The following AGAP2 variants were observed in gnomAD, a reference collection of about 807,000 sequenced individuals.
The protein encoded by AGAP2 is arf-GAP with GTPase, ANK repeat and PH domain-containing protein 2.
In AGAP2, 32 loss-of-function variants were observed where a neutral mutation model predicts 110.9. The observed-to-expected ratio is 0.29, with a 90% confidence interval of 0.22 to 0.39. The LOEUF is 0.39. AGAP2 is among the 10% of genes least tolerant of loss of function. The pLI is 1.00. For synonymous variants in AGAP2, 702 were observed against 713.0 expected (o/e 0.98, Z 0.25); for missense variants, 1,285 against 1,638.5 (o/e 0.78, Z 3.72).
intron 1 of AGAP2, among the ~76,000 whole-genome samples, chr12:57,736,372 G>C (rs1280830077): frequency 6.6e-6 from 1 of 152,168 alleles, no homozygotes; most frequent in African/African-American, 2.4e-5. Flanking sequence ...CAAGTCTCCC[G>C]GGGTACGGAT....
At chr12:57,730,289 G>A in intron 12 of AGAP2, 1 of 738,382 alleles carries the variant, frequency 1.4e-6, no homozygotes, top group Non-Finnish European at 2.1e-6. Flanking sequence ...TGGCAAGCCA[G>A]GATTCAAGCT....
chr12:57,732,218 A>C (rs903585741), intron 7 of AGAP2, among the ~76,000 whole-genome samples, 185 bp downstream of exon 7: 1 of 152,208 alleles, frequency 6.6e-6, no homozygotes, highest in African/African-American at 2.4e-5. Context: ...GCTTAAGGAC[A>C]CTGCAAATGA....
rs907661556 is a variant in AGAP2, at chr12:57,732,384, C to T, written c.1794+19G>A. 7 of 1,572,132 alleles carry T rather than the reference C, an allele frequency of 4.5e-6. No homozygotes were observed. In the Admixed American group the frequency reaches 7.4e-5, roughly 17 times the overall value. ...TGCATCTTACCGGCCCCTCTGCAGA[C>T]TCTGAAACCCCAACTCACCTGGCCA... On this transcript the variant is annotated intron_variant, in intron 7 of 18. Transcript: ENST00000547588.
intron 12 of AGAP2, 177 bp downstream of exon 12, chr12:57,730,318 G>A (rs1278185860): frequency 1.1e-6 from 1 of 937,422 alleles, no homozygotes; most frequent in African/African-American, 1.7e-5. Flanking sequence ...TGACGTTAGA[G>A]TCCACTTGTC....
At chr12:57,728,900 C>A (rs928384636) in intron 13 of AGAP2, among the ~76,000 whole-genome samples, 1 of 152,078 alleles carries the variant, frequency 6.6e-6, no homozygotes, top group African/African-American at 2.4e-5. Context: ...TGACTCATGC[C>A]TGTAATCCCC....
intron 7 of AGAP2, 63 bp downstream of exon 7, chr12:57,732,340 C>T (rs1595088217): frequency 2.7e-6 from 4 of 1,465,848 alleles, no homozygotes; most frequent in African/African-American, 1.4e-5. Context: ...TGTACCTGTC[C>T]TAGGATCCCC....
intron 17 of AGAP2, 32 bp from the exon 18 acceptor site, chr12:57,727,261 T>C: frequency 6.2e-7 from 1 of 1,612,374 alleles, no homozygotes; most frequent in Non-Finnish European, 8.5e-7. Flanking sequence ...GAAAAGGCTC[T>C]AGGGACCCCC....
intron 13 of AGAP2, among the ~76,000 whole-genome samples, chr12:57,728,875 G>T (rs1294100311): frequency 6.6e-6 from 1 of 152,118 alleles, no homozygotes; most frequent in Non-Finnish European, 1.5e-5. Context: ...GTTATCGGGA[G>T]AAGGCCGGGC....
At position 57,738,188 on chromosome 12, in the gene AGAP2, G is replaced by A; in HGVS notation, c.59C>T (p.Thr20Ile). ...AGGCACCGACTCGAGCTTAACCAGG[G>A]TCAGCGAGATGAGGTAGGTCGTTGT... ...RRTTTYLISL[T>I]LVKLESVPPP... The change falls in exon 1 of 19, where the codon ACC becomes ATC. Residue 20 changes from threonine to isoleucine, a missense_variant. Transcript: ENST00000547588. The surrounding 1 kb of genome is among the most constrained non-coding windows in gnomAD (Gnocchi z 6.7). 6.6e-7 allele frequency: 1 copy of A among 1,525,772 alleles called. No homozygotes were observed. The highest frequency in any genetic ancestry group is 2.5e-5 in the East Asian group (1 of 39,806). The allele number at this position is 1,525,772 out of a possible 1,614,324, so 94.5% of individuals were successfully genotyped here. A position where few individuals can be genotyped will look rare whatever the true frequency, so the allele number is the denominator to read the frequency against.
chr12:57,732,222 C>A (rs1303636048), intron 7 of AGAP2, among the ~76,000 whole-genome samples, 181 bp downstream of exon 7: 6 of 152,196 alleles, frequency 3.9e-5, no homozygotes, highest in Non-Finnish European at 8.8e-5. Context: ...AAGGACACTG[C>A]AAATGATGTC....
intron 12 of AGAP2, 96 bp from the exon 13 acceptor site, chr12:57,729,863 T>C: frequency 6.7e-7 from 1 of 1,501,514 alleles, no homozygotes. Flanking sequence ...CTTTGGCATT[T>C]TAGGGCTCCC....
At position 57,737,920 on chromosome 12, in the gene AGAP2, G is replaced by T; in HGVS notation, c.327C>A (p.Gly109=). Residue 109 remains glycine (G), a synonymous_variant, in exon 1 of 19, where the codon GGC becomes GGA. Coordinates refer to ENST00000547588, the MANE Select transcript of AGAP2 (RefSeq NM_001122772.3). The surrounding 1 kb of genome is among the most constrained non-coding windows in gnomAD (Gnocchi z 5.9). ...GGACGGCCCAGAGGGAGAGGCGGCG[G>T]CCGGGAGCGGGGGAGACTGGGCGGG... ...SPARPVSPAP[G]RRLSLWAVPP... is the part of the protein sequence containing the mutation. The T allele has an allele frequency of 3.6e-6, 5 of 1,390,574 alleles. No individual in the cohort carries two copies. The highest frequency in any genetic ancestry group is 3.7e-6 in the Non-Finnish European group (4 of 1,083,504). 86.1% of individuals were successfully genotyped at this position (1,390,574 alleles called of 1,614,324 possible). A position where few individuals can be genotyped will look rare whatever the true frequency, so the allele number is the denominator to read the frequency against.
At chr12:57,732,785 G>A in intron 6 of AGAP2, 60 bp downstream of exon 6, 6 of 1,604,000 alleles carry the variant, frequency 3.7e-6, no homozygotes, top group Non-Finnish European at 5.1e-6. Context: ...CCTGACCACT[G>A]AGAATATCCC....
At chr12:57,735,277 G>C in intron 2 of AGAP2, 92 bp downstream of exon 2, 3 of 1,206,792 alleles carry the variant, frequency 2.5e-6, no homozygotes, top group Non-Finnish European at 3.6e-6. Context: ...CAAAGAGAGA[G>C]AGAGAGAGAA....
At position 57,729,726 on chromosome 12, in the gene AGAP2, G is replaced by A. The variant is rs756468397; in HGVS notation, c.2470C>T (p.Pro824Ser). ...SGDLSPLSRE[P>S]PPSPMVKKQR... is the part of the protein sequence containing the mutation. Reference sequence around the variant, plus strand: ...TTCTTCACCATGGGAGAAGGAGGGGGTTCCCGACTCAGGGGGCTCAGGTCT... The same window carrying A: ...TTCTTCACCATGGGAGAAGGAGGGGATTCCCGACTCAGGGGGCTCAGGTCT... The change falls in exon 13 of 19, where the codon CCC (proline) becomes TCC (serine). Residue 824 changes from proline to serine, a missense_variant. By Grantham distance (74) the Pro-to-Ser change is moderately conservative (BLOSUM62 -1). Coordinates refer to ENST00000547588, the MANE Select transcript of AGAP2 (RefSeq NM_001122772.3). 1.2e-6 allele frequency: 2 copies of A among 1,613,636 alleles called. No homozygotes were observed. The highest frequency in any genetic ancestry group is 2.2e-5 in the East Asian group (1 of 44,828).
chr12:57,727,636 C>A (rs764785275), intron 16 of AGAP2, 45 bp downstream of exon 16: 3 of 1,590,560 alleles, frequency 1.9e-6, no homozygotes, highest in Non-Finnish European at 2.6e-6. Context: ...GGCACCCCGG[C>A]ATTCACTACA....
At position 57,732,528 on chromosome 12, in the gene AGAP2, GGAA is replaced by G; in HGVS notation, c.1685-19_1685-17del. 6.4e-7 allele frequency: 1 copy of G among 1,571,222 alleles called. No homozygotes were observed. Among genetic ancestry groups the G allele is most frequent in the Non-Finnish European group, 8.6e-7 (1 of 1,156,524 alleles). ...TTCTGGGCCACTGAGGGGAGTTGAC[GGAA>G]GGAGGTGTGAGCAGGCCAGATACCC... On this transcript the variant is annotated splice_polypyrimidine_tract_variant and intron_variant, in intron 6 of 18. Transcript: ENST00000547588.
chr12:57,728,337 T>C lies in AGAP2; in HGVS notation c.2598A>G (p.Leu866=), dbSNP rs763775852. ...TGTTACCTGCTTTATAAATATTTCT[T>C]AAACTACCAAAGGATTTTAGTTTCC... ...KMWKLKSFGS[L]RNIYKAEENF... Residue 866 remains leucine, a synonymous_variant, in exon 14 of 19, where the codon TTA becomes TTG. Transcript: ENST00000547588. The C allele has an allele frequency of 6.2e-7, 1 of 1,613,976 alleles. No individual in the cohort carries two copies. The highest frequency in any genetic ancestry group is 8.5e-7 in the Non-Finnish European group (1 of 1,179,892).
Position 57,732,983 on chromosome 12 carries a change from AG to A in AGAP2, c.1550-5del. ...GGGGAGGAAGCACTGATCCTGTCTG[AG>A]GGGACAGGAAAGGGGCAGGATTGAA... On this transcript the variant is annotated splice_region_variant and splice_polypyrimidine_tract_variant and intron_variant, in intron 5 of 18. Coordinates refer to ENST00000547588, the MANE Select transcript of AGAP2 (RefSeq NM_001122772.3). 6.2e-7 allele frequency: 1 copy of A among 1,613,846 alleles called. No homozygotes were observed. Among genetic ancestry groups the A allele is most frequent in the Non-Finnish European group, 8.5e-7 (1 of 1,180,002 alleles).
Sources: allele counts gnomAD v4.1 joint callset (sites outside exome capture counted in the v4.1 genomes callset), GRCh38; gene constraint gnomAD v4.1.1; non-coding constraint Gnocchi (gnomAD v3.1); transcripts MANE v1.5; gene names NCBI Gene and HGNC (gene_info 2026-07-23, HGNC 2026-07-21).